The following EYS variants were observed in gnomAD, a reference collection of about 807,000 sequenced individuals.
EYS encodes the protein protein eyes shut homolog.
Under a neutral mutation model 282.1 loss-of-function variants are expected in EYS, and 250 were observed. The ratio of observed to expected loss-of-function variants is 0.89; its 90% CI spans 0.80 to 0.98. EYS has a LOEUF of 0.98. Among genes scored for constraint, EYS ranks in the 50% least tolerant of loss-of-function variants. The pLI is 0.00. For missense variants in EYS, 4,016 were observed against 3,709.0 expected (o/e 1.08, Z -2.15); for synonymous variants, 1,355 against 1,282.9 (o/e 1.06, Z -1.20).
At chr6:64,743,858 G>A (rs1001169981) in intron 22 of EYS, among the ~76,000 whole-genome samples, 1 of 152,078 alleles carries the variant, frequency 6.6e-6, no homozygotes, top group Non-Finnish European at 1.5e-5. Context: ...AGGGGGAAAT[G>A]ATACCAAAGT....
At chr6:65,247,985 T>C (rs1767224142) in intron 12 of EYS, among the ~76,000 whole-genome samples, 1 of 152,060 alleles carries the variant, frequency 6.6e-6, no homozygotes, top group African/African-American at 2.4e-5. Flanking sequence ...TTAAAGACCA[T>C]ACATTTGTGA....
intron 21 of EYS, among the ~76,000 whole-genome samples, chr6:64,814,508 C>A (rs189169094): frequency 7.1e-4 from 108 of 152,076 alleles, no homozygotes; most frequent in African/African-American, 2.6e-3. Flanking sequence ...TTAATTTGAA[C>A]AAGAAATATG....
chr6:65,036,275 A>C (rs1278097484), intron 13 of EYS, among the ~76,000 whole-genome samples: 2 of 151,986 alleles, frequency 1.3e-5, no homozygotes, highest in African/African-American at 4.8e-5. Flanking sequence ...CTAGCTAGCT[A>C]TACGCAGAAG....
chr6:64,013,676 C>CTG (rs1431688344), intron 33 of EYS, among the ~76,000 whole-genome samples: 2 of 151,034 alleles, frequency 1.3e-5, no homozygotes, highest in African/African-American at 2.4e-5. Context: ...TTTTTTTTCC[C>CTG]TGAGAGATGA....
chr6:63,938,219 A>G (rs556353916), intron 35 of EYS, among the ~76,000 whole-genome samples: 10 of 152,348 alleles, frequency 6.6e-5, no homozygotes, highest in Non-Finnish European at 1.3e-4. Flanking sequence ...ACGCATATTT[A>G]GAGTTGCTGG....
At chr6:64,625,566 C>T (rs1397499473) in intron 23 of EYS, among the ~76,000 whole-genome samples, 2 of 152,148 alleles carry the variant, frequency 1.3e-5, no homozygotes, top group Non-Finnish European at 2.9e-5. Flanking sequence ...ATCCCATTCG[C>T]AAGGGCTTTA....
intron 37 of EYS, among the ~76,000 whole-genome samples, chr6:63,793,301 C>T (rs1201841412): frequency 6.6e-6 from 1 of 152,188 alleles, no homozygotes; most frequent in African/African-American, 2.4e-5. Context: ...CTACCTTACT[C>T]ATCAGTAGCC....
At chr6:64,294,814 C>T (rs1425270615) in intron 30 of EYS, among the ~76,000 whole-genome samples, 1 of 152,084 alleles carries the variant, frequency 6.6e-6, no homozygotes, top group African/African-American at 2.4e-5. Flanking sequence ...ATACTTGAAA[C>T]AGTGGTAACA....
chr6:65,392,121 G>T (rs368033763), intron 7 of EYS, among the ~76,000 whole-genome samples: 18 of 151,958 alleles, frequency 1.2e-4, no homozygotes, highest in Admixed American at 4.6e-4. Flanking sequence ...TAGCCATATG[G>T]AGAAAGCTGA....
chr6:64,091,699 A>G (rs969915953), intron 31 of EYS, among the ~76,000 whole-genome samples: 2 of 152,160 alleles, frequency 1.3e-5, no homozygotes, highest in African/African-American at 4.8e-5. Context: ...CTAGGTGCCA[A>G]TTAATTAATT....
chr6:64,794,027 C>G (rs1050509337), intron 22 of EYS, among the ~76,000 whole-genome samples: 1 of 152,096 alleles, frequency 6.6e-6, no homozygotes, highest in Non-Finnish European at 1.5e-5. Flanking sequence ...GGTTAATCAA[C>G]CATTCTACTC....
intron 22 of EYS, among the ~76,000 whole-genome samples, chr6:64,688,589 C>G (rs1167429266): frequency 6.6e-6 from 1 of 152,196 alleles, no homozygotes; most frequent in Non-Finnish European, 1.5e-5. Flanking sequence ...GTCTGAGAGA[C>G]AGTTTGTTAT....
intron 22 of EYS, among the ~76,000 whole-genome samples, chr6:64,642,336 T>C (rs1768185987): frequency 6.6e-6 from 1 of 152,226 alleles, no homozygotes; most frequent in Admixed American, 6.5e-5. Flanking sequence ...TCAGAACACA[T>C]AGAAATATGA....
At chr6:64,372,488 A>T in intron 29 of EYS, among the ~76,000 whole-genome samples, 1 of 150,816 alleles carries the variant, frequency 6.6e-6, no homozygotes, top group African/African-American at 2.4e-5. Context: ...TTTCATCTCC[A>T]CATTGGAGAA....
intron 2 of EYS, among the ~76,000 whole-genome samples, chr6:65,544,031 A>T (rs5008809): frequency 0.6 from 72,386 of 120,554 alleles, 18,058 homozygotes; most frequent in East Asian, 0.75. Flanking sequence ...TGTGTGTGTG[A>T]GAGAGAGAGA....
intron 28 of EYS, among the ~76,000 whole-genome samples, chr6:64,403,226 ATTTATAT>A (rs1773595037): frequency 1.3e-5 from 2 of 152,178 alleles, no homozygotes; most frequent in Middle Eastern, 3.2e-3. Context: ...TTTAGCATAC[ATTTATAT>A]TTTATATTAT....
At chr6:64,054,832 G>C (rs1390606264) in intron 33 of EYS, among the ~76,000 whole-genome samples, 1 of 152,112 alleles carries the variant, frequency 6.6e-6, no homozygotes, top group Admixed American at 6.6e-5. Context: ...ATATTTCATG[G>C]TGGCTGTCAC....
intron 5 of EYS, among the ~76,000 whole-genome samples, chr6:65,483,133 T>C (rs1765664490): frequency 6.6e-6 from 1 of 152,128 alleles, no homozygotes; most frequent in Non-Finnish European, 1.5e-5. Flanking sequence ...TGGTTTTATA[T>C]TATATTTTAA....
intron 26 of EYS, among the ~76,000 whole-genome samples, chr6:64,512,523 A>T (rs1316155231): frequency 1.3e-5 from 2 of 151,800 alleles, no homozygotes; most frequent in Non-Finnish European, 2.9e-5. Flanking sequence ...GCCATGGATT[A>T]AGGTGAGGAA....
Sources: allele counts gnomAD v4.1 joint callset (sites outside exome capture counted in the v4.1 genomes callset), GRCh38; gene constraint gnomAD v4.1.1; transcripts MANE v1.5; gene names NCBI Gene and HGNC (gene_info 2026-07-23, HGNC 2026-07-21).